The following RUNDC3B variants were observed in gnomAD, a reference collection of about 807,000 sequenced individuals.
The protein encoded by RUNDC3B is RUN domain-containing protein 3B.
RUNDC3B carries 33 observed loss-of-function variants against 58.4 expected under a neutral mutation model. The ratio of observed to expected loss-of-function variants is 0.56; its 90% CI spans 0.43 to 0.75. The LOEUF (loss-of-function observed/expected upper bound fraction) is 0.75. Among genes scored for constraint, RUNDC3B ranks in the 30% least tolerant of loss-of-function variants. RUNDC3B has a pLI of 0.00. For missense variants in RUNDC3B, 501 were observed against 535.7 expected, an observed-to-expected ratio of 0.94 and a Z score of 0.64; for synonymous variants, 193 against 195.2, an observed-to-expected ratio of 0.99 and a Z score of 0.10.
chr7:87,648,514 T>C (rs995806888), intron 1 of RUNDC3B, among the ~76,000 whole-genome samples: 1 of 148,726 alleles, frequency 6.7e-6, no homozygotes, highest in African/African-American at 2.6e-5. Flanking sequence ...TCAAGAAATA[T>C]GGCAGTTTGC....
chr7:87,636,685 C>A (rs1177628870), intron 1 of RUNDC3B, among the ~76,000 whole-genome samples: 1 of 152,024 alleles, frequency 6.6e-6, no homozygotes, highest in Non-Finnish European at 1.5e-5. Context: ...TTTATTTTTA[C>A]ATTTATATCA....
intron 8 of RUNDC3B, among the ~76,000 whole-genome samples, chr7:87,801,249 C>T (rs1460592943): frequency 6.6e-6 from 1 of 152,052 alleles, no homozygotes; most frequent in African/African-American, 2.4e-5. Context: ...TTCAGGAGTT[C>T]CCCACGTGAC....
intron 4 of RUNDC3B, among the ~76,000 whole-genome samples, chr7:87,722,021 T>C (rs1830931554): frequency 6.6e-6 from 1 of 152,052 alleles, no homozygotes; most frequent in African/African-American, 2.4e-5. Flanking sequence ...ACAAAATTTA[T>C]CTTTTGTTCA....
chr7:87,806,067 G>A (rs973018942), intron 8 of RUNDC3B, among the ~76,000 whole-genome samples: 2 of 152,104 alleles, frequency 1.3e-5, no homozygotes, highest in Non-Finnish European at 1.5e-5. Flanking sequence ...GTGGCCACTA[G>A]GCTAAAATCA....
intron 2 of RUNDC3B, among the ~76,000 whole-genome samples, chr7:87,673,282 C>T (rs949301530): frequency 2.0e-5 from 3 of 152,170 alleles, no homozygotes; most frequent in Non-Finnish European, 4.4e-5. Flanking sequence ...AGGTTGGGGA[C>T]ATTTTCATGG....
chr7:87,681,699 G>A (rs1354886717), intron 2 of RUNDC3B, among the ~76,000 whole-genome samples: 1 of 151,140 alleles, frequency 6.6e-6, no homozygotes, highest in African/African-American at 2.4e-5. Flanking sequence ...TGAAGGATGG[G>A]GTGGATATGA....
chr7:87,801,675 A>G (rs1238120193), intron 8 of RUNDC3B, among the ~76,000 whole-genome samples: 1 of 152,102 alleles, frequency 6.6e-6, no homozygotes, highest in African/African-American at 2.4e-5. Context: ...AGGCTGAGGC[A>G]GGAGAATTGC....
intron 4 of RUNDC3B, among the ~76,000 whole-genome samples, chr7:87,719,108 T>A (rs1830719842): frequency 6.6e-6 from 1 of 151,982 alleles, no homozygotes; most frequent in Non-Finnish European, 1.5e-5. Flanking sequence ...GGTAACATAG[T>A]TACACAGGTA....
intron 4 of RUNDC3B, chr7:87,713,066 A>G (rs1040056587): frequency 6.6e-6 from 1 of 152,164 alleles, no homozygotes; most frequent in Non-Finnish European, 1.5e-5. Flanking sequence ...CTTAATTCTA[A>G]TTAAATTTGA....
At chr7:87,635,369 G>T (rs1283310854) in intron 1 of RUNDC3B, among the ~76,000 whole-genome samples, 3 of 152,142 alleles carry the variant, frequency 2.0e-5, no homozygotes, top group African/African-American at 4.8e-5. Flanking sequence ...GTCAAAAGGG[G>T]CTTCTTTTTT....
At chr7:87,639,620 C>G (rs1340937150) in intron 1 of RUNDC3B, among the ~76,000 whole-genome samples, 1 of 152,074 alleles carries the variant, frequency 6.6e-6, no homozygotes, top group African/African-American at 2.4e-5. Context: ...TAGTTTGATT[C>G]ATTGTCATCA....
At chr7:87,684,116 C>T (rs1827208580) in intron 2 of RUNDC3B, among the ~76,000 whole-genome samples, 3 of 152,118 alleles carry the variant, frequency 2.0e-5, no homozygotes, top group Admixed American at 6.5e-5. Context: ...AAAATCTTTA[C>T]AGCTAGGTAT....
chr7:87,767,959 A>G (rs543891030), intron 6 of RUNDC3B, among the ~76,000 whole-genome samples: 2 of 152,278 alleles, frequency 1.3e-5, no homozygotes, highest in East Asian at 3.9e-4. Flanking sequence ...AAATAACCCA[A>G]GGGAGAAAAC....
chr7:87,712,280 AGAT>A (rs1215105330), intron 4 of RUNDC3B, among the ~76,000 whole-genome samples: 5 of 152,104 alleles, frequency 3.3e-5, no homozygotes, highest in Non-Finnish European at 7.4e-5. Flanking sequence ...ATAAACAGTG[AGAT>A]GATGATAAAA....
chr7:87,807,882 G>A (rs1481486835), intron 9 of RUNDC3B, among the ~76,000 whole-genome samples: 1 of 152,042 alleles, frequency 6.6e-6, no homozygotes, highest in Non-Finnish European at 1.5e-5. Context: ...CTTGTTCCTG[G>A]TGGTTCTGAA....
intron 6 of RUNDC3B, among the ~76,000 whole-genome samples, chr7:87,752,946 T>C (rs1387606101): frequency 1.3e-5 from 2 of 151,610 alleles, no homozygotes; most frequent in African/African-American, 4.8e-5. Flanking sequence ...CTTGCTTTTC[T>C]AGTTCTTTTA....
intron 4 of RUNDC3B, among the ~76,000 whole-genome samples, chr7:87,734,198 GAAAAT>G (rs1223333201): frequency 6.6e-6 from 1 of 152,136 alleles, no homozygotes; most frequent in Non-Finnish European, 1.5e-5. Flanking sequence ...GGTGGGAAAA[GAAAAT>G]TGTGCAGTCA....
chr7:87,817,685 C>T (rs1380078052), intron 10 of RUNDC3B, among the ~76,000 whole-genome samples: 1 of 152,104 alleles, frequency 6.6e-6, no homozygotes, highest in Non-Finnish European at 1.5e-5. Flanking sequence ...AAATAGCCAC[C>T]CCCATCCCCA....
chr7:87,680,311 A>G (rs1826800662), intron 2 of RUNDC3B, among the ~76,000 whole-genome samples: 1 of 150,696 alleles, frequency 6.6e-6, no homozygotes, highest in African/African-American at 2.5e-5. Flanking sequence ...AGTCTTTGCT[A>G]ATAACTCTTG....
Sources: gnomAD v4.1 joint callset for allele counts (sites outside exome capture counted in the v4.1 genomes callset) on GRCh38, gnomAD v4.1.1 for gene constraint, MANE v1.5 for transcripts, NCBI Gene and HGNC (gene_info 2026-07-23, HGNC 2026-07-21) for gene names.